Variants in RPRD1B observed in about 807,000 individuals in gnomAD.
The protein encoded by RPRD1B is regulation of nuclear pre-mRNA domain-containing protein 1B.
In RPRD1B, 11 loss-of-function variants were observed where a neutral mutation model predicts 41.5. The observed-to-expected ratio is 0.27, with a 90% CI of 0.17 to 0.44. RPRD1B has a LOEUF of 0.44. Among genes scored for constraint, RPRD1B ranks in the 20% least tolerant of loss-of-function variants. The pLI is 1.00. For missense variants in RPRD1B, 248 were observed against 389.9 expected (o/e 0.64, Z 3.06); for synonymous variants, 158 against 155.6 (o/e 1.02, Z -0.12).
intron 6 of RPRD1B, 73 bp downstream of exon 6, chr20:38,066,329 A>T: frequency 7.4e-7 from 1 of 1,356,178 alleles, no homozygotes; most frequent in Non-Finnish European, 1.0e-6. Context: ...GGTTTTTATT[A>T]TGCTTTAATT....
intron 1 of RPRD1B, among the ~76,000 whole-genome samples, chr20:38,036,856 A>G (rs2074008659): frequency 1.3e-5 from 2 of 152,374 alleles, no homozygotes; most frequent in South Asian, 4.1e-4. Context: ...TTTAGTTTCC[A>G]GTTTTTACCA....
rs769497056 is a variant in RPRD1B at position 38,057,521 on chromosome 20, C to G, written c.416-11C>G. Reference sequence around the variant, plus strand: ...ATGTGACTCAAATTTATTACTTTCTCTTTTGTCTAGCAACAGAAGAGAAGA... The same window carrying G: ...ATGTGACTCAAATTTATTACTTTCTGTTTTGTCTAGCAACAGAAGAGAAGA... On this transcript the variant is annotated splice_polypyrimidine_tract_variant and intron_variant, in intron 3 of 6. Transcript: ENST00000373433. 1.2e-6 allele frequency: 2 copies of G among 1,602,918 alleles called. No homozygotes were observed. The highest frequency in any genetic ancestry group is 1.7e-5 in the Admixed American group (1 of 59,992).
intron 6 of RPRD1B, among the ~76,000 whole-genome samples, chr20:38,087,363 C>G (rs1203762197): frequency 6.6e-6 from 1 of 152,158 alleles, no homozygotes; most frequent in African/African-American, 2.4e-5. Context: ...ATGAACTTGC[C>G]ACGTTGGTCT....
At chr20:38,041,934 T>G (rs1336812600) in intron 2 of RPRD1B, among the ~76,000 whole-genome samples, 2 of 152,182 alleles carry the variant, frequency 1.3e-5, no homozygotes, top group East Asian at 3.8e-4. Context: ...AGCTGCTGAG[T>G]TATGTAGCTT....
intron 6 of RPRD1B, chr20:38,070,684 G>A (rs2122745600): frequency 4.1e-6 from 4 of 984,332 alleles, no homozygotes; most frequent in East Asian, 1.1e-4. Context: ...ATTTGTACAA[G>A]TATTAAGGAA....
At chr20:38,072,328 C>G (rs1324753387) in intron 6 of RPRD1B, among the ~76,000 whole-genome samples, 1 of 152,188 alleles carries the variant, frequency 6.6e-6, no homozygotes, top group Non-Finnish European at 1.5e-5. Flanking sequence ...CAATTGGCCA[C>G]AGATGTATTG....
intron 6 of RPRD1B, among the ~76,000 whole-genome samples, chr20:38,076,261 G>C (rs1049533734): frequency 1.3e-5 from 2 of 152,196 alleles, no homozygotes; most frequent in African/African-American, 2.4e-5. Context: ...ATTGAAGCCA[G>C]TGGTCCTCCC....
intron 5 of RPRD1B, among the ~76,000 whole-genome samples, chr20:38,061,517 C>A (rs1653143080): frequency 6.6e-6 from 1 of 152,244 alleles, no homozygotes; most frequent in South Asian, 2.1e-4. Context: ...CTCCCTCTTT[C>A]TCCTGCATTC....
chr20:38,075,649 C>A (rs1022075793), intron 6 of RPRD1B, among the ~76,000 whole-genome samples: 4 of 152,198 alleles, frequency 2.6e-5, no homozygotes. Context: ...GCATACTTTG[C>A]AATCTTGGAA....
intron 1 of RPRD1B, among the ~76,000 whole-genome samples, chr20:38,034,528 G>A (rs573910739): frequency 1.3e-5 from 2 of 152,248 alleles, no homozygotes; most frequent in Admixed American, 1.3e-4. Context: ...TACTGGGAGA[G>A]TTTCTTCATC....
chr20:38,053,931 T>C (rs759801134), intron 3 of RPRD1B, among the ~76,000 whole-genome samples: 3 of 152,168 alleles, frequency 2.0e-5, no homozygotes, highest in Non-Finnish European at 2.9e-5. Flanking sequence ...TGAGTATCCC[T>C]AGATTTTGAT....
At chr20:38,048,909 A>G (rs1246226056) in intron 3 of RPRD1B, among the ~76,000 whole-genome samples, 2 of 152,172 alleles carry the variant, frequency 1.3e-5, no homozygotes, top group Non-Finnish European at 1.5e-5. Context: ...TGCTTTTGAA[A>G]CATATCCTTA....
intron 1 of RPRD1B, among the ~76,000 whole-genome samples, chr20:38,039,430 G>A (rs1285856861): frequency 6.7e-6 from 1 of 148,826 alleles, no homozygotes. Context: ...TTGAGACGGA[G>A]TTTTGCTCTT....
At chr20:38,074,148 C>CTTTCTTTTTAATTTTCTTTTAT (rs1423103143) in intron 6 of RPRD1B, among the ~76,000 whole-genome samples, 12 of 152,258 alleles carry the variant, frequency 7.9e-5, no homozygotes, top group Admixed American at 7.2e-4. Context: ...TGGGAGTTTT[C>CTTTCTTTTTAATTTTCTTTTAT]TTTCTTTTTA....
chr20:38,058,291 T>G (rs2074263860), intron 4 of RPRD1B, among the ~76,000 whole-genome samples: 1 of 152,216 alleles, frequency 6.6e-6, no homozygotes, highest in African/African-American at 2.4e-5. Flanking sequence ...CTAAAACAGC[T>G]TTATTACACA....
chr20:38,052,236 C>T (rs1035759684), intron 3 of RPRD1B, among the ~76,000 whole-genome samples: 2 of 152,130 alleles, frequency 1.3e-5, no homozygotes, highest in African/African-American at 2.4e-5. Context: ...TTTGCCCCTG[C>T]CAGTTCTAGT....
chr20:38,082,810 A>T (rs1051133799), intron 6 of RPRD1B, among the ~76,000 whole-genome samples: 1 of 152,220 alleles, frequency 6.6e-6, no homozygotes, highest in Non-Finnish European at 1.5e-5. Flanking sequence ...AATGGAAAGG[A>T]ATTGAAATTT....
At chr20:38,084,526 C>A (rs936265446) in intron 6 of RPRD1B, among the ~76,000 whole-genome samples, 3 of 152,162 alleles carry the variant, frequency 2.0e-5, no homozygotes, top group Non-Finnish European at 4.4e-5. Context: ...GTGGAAAGGT[C>A]ATTGCAATGC....
chr20:38,050,860 A>G (rs2074178328), intron 3 of RPRD1B, among the ~76,000 whole-genome samples: 1 of 152,232 alleles, frequency 6.6e-6, no homozygotes, highest in Non-Finnish European at 1.5e-5. Flanking sequence ...AAAGATTTCA[A>G]CATGTGTGTT....
Sources: gnomAD v4.1 joint callset for allele counts (sites outside exome capture counted in the v4.1 genomes callset) on GRCh38, gnomAD v4.1.1 for gene constraint, MANE v1.5 for transcripts, NCBI Gene and HGNC (gene_info 2026-07-23, HGNC 2026-07-21) for gene names.